The following ASPHD1 variants were observed in gnomAD, a reference collection of about 807,000 sequenced individuals.
The protein encoded by ASPHD1 is aspartate beta-hydroxylase domain containing 1.
In ASPHD1, 20 loss-of-function variants were observed where a neutral mutation model predicts 28.3. That is an observed-to-expected ratio of 0.71 (90% CI 0.50 to 1.03). The LOEUF is 1.03. Among genes scored for constraint, ASPHD1 ranks in the 50% least tolerant of loss-of-function variants. The pLI is 0.00. For missense variants in ASPHD1, 479 were observed against 524.1 expected (o/e 0.91, Z 0.84); for synonymous variants, 240 against 221.2 (o/e 1.08, Z -0.75).
chr16:29,908,482 TC>T (rs2068651270), downstream of ASPHD1, among the ~76,000 whole-genome samples: 3 of 152,104 alleles, frequency 2.0e-5, no homozygotes, highest in Non-Finnish European at 4.4e-5. Flanking sequence ...CTTCCCAAGT[TC>T]AAGCGATTTT....
chr16:29,907,133 C>T, downstream of ASPHD1: 6 of 1,539,208 alleles, frequency 3.9e-6, no homozygotes, highest in Non-Finnish European at 5.4e-6. Flanking sequence ...CCGGCCCCAG[C>T]TCCTTCCTTC....
At chr16:29,909,143 C>T (rs946052211), downstream of ASPHD1, among the ~76,000 whole-genome samples, 1 of 152,122 alleles carries the variant, frequency 6.6e-6, no homozygotes, top group African/African-American at 2.4e-5. Context: ...AAAGACATGG[C>T]CCTGCCCTCA....
At chr16:29,908,579 T>C (rs2068652321), downstream of ASPHD1, among the ~76,000 whole-genome samples, 1 of 152,032 alleles carries the variant, frequency 6.6e-6, no homozygotes, top group African/African-American at 2.4e-5. Flanking sequence ...AGAGACAGGG[T>C]TTCACCATGT....
intron 3 of ASPHD1, among the ~76,000 whole-genome samples, chr16:29,918,649 T>TTTTA (rs935758006): frequency 3.8e-4 from 58 of 151,790 alleles, no homozygotes; most frequent in Middle Eastern, 3.4e-3. Context: ...TTTTGTAATT[T>TTTTA]TTTATTTATT....
Position 29,901,484 on chromosome 16 carries a change from T to C in ASPHD1, c.513T>C (p.Gly171=). The C allele has an allele frequency of 6.2e-7, 1 of 1,603,830 alleles. No homozygotes were observed. The highest frequency in any genetic ancestry group is 8.5e-7 in the Non-Finnish European group (1 of 1,177,868). The change falls in exon 1 of 3, where the codon GGT becomes GGC. Residue 171 remains glycine (G), a synonymous_variant. Coordinates refer to ENST00000308748, the MANE Select transcript of ASPHD1 (RefSeq NM_181718.4). This position sits in a 1 kb window ranked among gnomAD's most constrained non-coding sequence, Gnocchi z 5.1. ...GTAGAGTGAGGCGGGCAGCTCAGGG[T>C]GGCCCAGGCCCTGGGAGAGGGCCAG... The part of the protein sequence containing the change: ...GMGRVRRAAQ[G]GPGPGRGPGV...
downstream of ASPHD1, chr16:29,906,587 T>G: frequency 1.7e-6 from 1 of 584,650 alleles, no homozygotes. Context: ...AGAAAGGGAA[T>G]TCTAAATCCC....
At chr16:29,907,806 T>A (rs1234997548), downstream of ASPHD1, among the ~76,000 whole-genome samples, 1 of 151,028 alleles carries the variant, frequency 6.6e-6, no homozygotes, top group East Asian at 1.9e-4. Context: ...AATAAATAAA[T>A]AAAATAAAAT....
In ASPHD1 at chr16:29,901,681, C is replaced by T. The variant is rs867276599; in HGVS notation, c.710C>T (p.Pro237Leu). 6.3e-7 allele frequency: 1 copy of T among 1,583,630 alleles called. No homozygotes were observed. The highest frequency in any genetic ancestry group is 8.5e-7 in the Non-Finnish European group (1 of 1,169,710). Reference sequence around the variant, plus strand: ...TGGGACTTCTCAGGGACTACCCCTCCGCCTCGGGGCTGGTCCCCACCTCTG... The same window carrying T: ...TGGGACTTCTCAGGGACTACCCCTCTGCCTCGGGGCTGGTCCCCACCTCTG... ...VSWDFSGTTP[P>L]PRGWSPPLAP... The change falls in exon 1 of 3, where the codon CCG becomes CTG. Residue 237 changes from proline (P) to leucine (L), a missense_variant. By Grantham distance (98) the Pro-to-Leu change is moderately conservative (BLOSUM62 -3). Coordinates refer to ENST00000308748, the MANE Select transcript of ASPHD1 (RefSeq NM_181718.4). The surrounding 1 kb of genome is among the most constrained non-coding windows in gnomAD (Gnocchi z 5.1).
At chr16:29,906,413 G>A (rs2068613399), downstream of ASPHD1, 1 of 366,780 alleles carries the variant, frequency 2.7e-6, no homozygotes, top group Non-Finnish European at 5.4e-6. Flanking sequence ...GACTGATAAC[G>A]CTGAGCTGGG....
rs1176256037 is a variant in ASPHD1 at position 29,904,964 on chromosome 16, T to C, written c.1062T>C (p.Asn354=). The C allele has an allele frequency of 1.2e-6, 2 of 1,610,856 alleles. No homozygotes were observed. Among genetic ancestry groups the C allele is most frequent in the African/African-American group, 2.7e-5 (2 of 74,766 alleles). The change falls in exon 2 of 3, where the codon AAT becomes AAC. Residue 354 remains asparagine, a splice_region_variant and synonymous_variant. Coordinates refer to ENST00000308748, the MANE Select transcript of ASPHD1 (RefSeq NM_181718.4). ...DDSFLHTVAH[N]GSPEDGPRVV... is the part of the protein sequence containing the mutation. ...CTTTTCTACACACAGTGGCTCACAATGGTAACGGGGTGCCCATTCTGCAGG... is the reference window on the plus strand; with the variant it reads ...CTTTTCTACACACAGTGGCTCACAACGGTAACGGGGTGCCCATTCTGCAGG...
intron 3 of ASPHD1, among the ~76,000 whole-genome samples, chr16:29,916,013 A>G (rs1240598353): frequency 6.6e-6 from 1 of 152,098 alleles, no homozygotes; most frequent in Non-Finnish European, 1.5e-5. Flanking sequence ...TATAAGCAGC[A>G]AGAAGCCAGG....
At position 29,900,961 on chromosome 16, in the gene ASPHD1, G is replaced by A. The variant is rs903097659; in HGVS notation, c.-11G>A. The A allele has an allele frequency of 6.4e-7, 1 of 1,550,858 alleles. No individual in the cohort carries two copies. Among genetic ancestry groups the A allele is most frequent in the Admixed American group, 2.0e-5 (1 of 50,968 alleles). On this transcript the variant is annotated 5_prime_UTR_variant, in exon 1 of 3. Coordinates refer to ENST00000308748, the MANE Select transcript of ASPHD1 (RefSeq NM_181718.4). ...AAGGGGAGAGAAAGGAGAGAGGAGG[G>A]TTGGAGGTGCATGAAGGAGGGGAGA...
chr16:29,907,535 C>T (rs1484428634), downstream of ASPHD1, among the ~76,000 whole-genome samples: 1 of 152,114 alleles, frequency 6.6e-6, no homozygotes, highest in Non-Finnish European at 1.5e-5. Context: ...GCCTGTAATC[C>T]CAGCACTTTG....
At chr16:29,911,458 C>T (rs2068707872) in intron 3 of ASPHD1, 2 of 564,776 alleles carry the variant, frequency 3.5e-6, no homozygotes, top group Non-Finnish European at 6.3e-6. Context: ...AACTGGGTGA[C>T]ACTAGGCAAG....
At chr16:29,906,285 G>A (rs1308995503), downstream of ASPHD1, 1 of 195,326 alleles carries the variant, frequency 5.1e-6, no homozygotes, top group Non-Finnish European at 1.1e-5. Context: ...CGCCCGGCCA[G>A]ATACCTCCTA....
intron 1 of ASPHD1, among the ~76,000 whole-genome samples, chr16:29,904,126 G>GAATAA (rs55763869): frequency 0.4 from 58,566 of 147,094 alleles, 13,964 homozygotes; most frequent in Non-Finnish European, 0.54. Context: ...GTCTGTATAA[G>GAATAA]AATAAAATAA....
In ASPHD1 at chr16:29,905,979, TACTG is replaced by T; in HGVS notation, c.*83_*86del. 4.1e-6 allele frequency: 3 copies of T among 734,720 alleles called. No homozygotes were observed. The highest frequency in any genetic ancestry group is 6.6e-6 in the Non-Finnish European group (3 of 452,660). 45.5% of individuals were successfully genotyped at this position (734,720 alleles called of 1,614,324 possible). Reference sequence around the variant, plus strand: ...TTGATGGTAGCCAGGACCTCCTCTCTACTGCGGGGGTGGGCGGGGGCGGAGGATG... The same window carrying T: ...TTGATGGTAGCCAGGACCTCCTCTCTCGGGGGTGGGCGGGGGCGGAGGATG... On this transcript the variant is annotated 3_prime_UTR_variant, in exon 3 of 3. Transcript: ENST00000308748.
In ASPHD1 at chr16:29,901,076, G is replaced by C. The variant is rs747388392; in HGVS notation, c.105G>C (p.Gln35His). 4 of 1,610,996 alleles carry C rather than the reference G, an allele frequency of 2.5e-6. No homozygotes were observed. The highest frequency in any genetic ancestry group is 1.7e-6 in the Non-Finnish European group (2 of 1,178,618). The change falls in exon 1 of 3, where the codon CAG (glutamine) becomes CAC (histidine). Residue 35 changes from glutamine (Q) to histidine (H), a missense_variant. Gln to His is a conservative substitution (Grantham distance 24, BLOSUM62 0). Transcript: ENST00000308748. This position sits in a 1 kb window ranked among gnomAD's most constrained non-coding sequence, Gnocchi z 5.1. ...AGGGAAACAGTCCAGCGGGGAGCCA[G>C]GGGGCAGCCATGGAAGGGACAGGTG... ...MWKGNSPAGS[Q>H]GAAMEGTGGE...
chr16:29,906,472 G>A (rs2068614598), downstream of ASPHD1: 4 of 465,264 alleles, frequency 8.6e-6, no homozygotes, highest in South Asian at 6.2e-5. Context: ...GGAGGATGGT[G>A]GGGAGGAGGG....
Sources: gnomAD v4.1 joint callset for allele counts (sites outside exome capture counted in the v4.1 genomes callset) on GRCh38, gnomAD v4.1.1 for gene constraint, Gnocchi (gnomAD v3.1) non-coding constraint, MANE v1.5 for transcripts, NCBI Gene and HGNC (gene_info 2026-07-23, HGNC 2026-07-21) for gene names.